Variants in NLGN1 observed in about 807,000 individuals in gnomAD.
NLGN1 encodes neuroligin-1.
NLGN1 carries 12 observed loss-of-function variants against 65.5 expected under a neutral mutation model. The ratio of observed to expected loss-of-function variants is 0.18; its 90% CI spans 0.12 to 0.30. The LOEUF is 0.30. Among genes scored for constraint, NLGN1 ranks in the 10% least tolerant of loss-of-function variants. The probability of loss-of-function intolerance (pLI) is 1.00; values close to 1 mark genes in which losing one functional copy is unlikely to be tolerated. For missense variants in NLGN1, 750 were observed against 1,007.1 expected (o/e 0.74, Z 3.46); for synonymous variants, 350 against 359.5 (o/e 0.97, Z 0.30).
upstream of NLGN1, chr3:173,396,179 C>G (rs140247375): frequency 6.5e-6 from 1 of 153,894 alleles, no homozygotes; most frequent in South Asian, 1.7e-4. Context: ...CCCGGGAGAT[C>G]TTCTCATCCT....
intron 4 of NLGN1, among the ~76,000 whole-genome samples, chr3:173,986,396 G>T (rs1452624560): frequency 6.6e-6 from 1 of 151,746 alleles, no homozygotes; most frequent in African/African-American, 2.4e-5. Flanking sequence ...TCAAACCCAG[G>T]AGGCAGAGGT....
chr3:173,606,574 A>G (rs1751444095), intron 3 of NLGN1, among the ~76,000 whole-genome samples: 1 of 152,052 alleles, frequency 6.6e-6, no homozygotes, highest in South Asian at 2.1e-4. Context: ...ATTTCATTAT[A>G]GCATCCTTGT....
At chr3:173,862,201 T>C (rs1276076991) in intron 4 of NLGN1, among the ~76,000 whole-genome samples, 2 of 152,002 alleles carry the variant, frequency 1.3e-5, no homozygotes, top group Admixed American at 6.5e-5. Flanking sequence ...CATCTACATG[T>C]GCTGATATGG....
chr3:173,948,153 A>G (rs1348763083), intron 4 of NLGN1, among the ~76,000 whole-genome samples: 2 of 152,212 alleles, frequency 1.3e-5, no homozygotes, highest in African/African-American at 2.4e-5. Context: ...TCTTCAAACC[A>G]CAGGTTTCCT....
chr3:173,686,310 C>T (rs1248072088), intron 3 of NLGN1, among the ~76,000 whole-genome samples: 1 of 151,534 alleles, frequency 6.6e-6, no homozygotes, highest in East Asian at 1.9e-4. Flanking sequence ...AATAAAATTA[C>T]CCCAACTGTT....
chr3:174,088,336 C>T (rs1743812402), intron 4 of NLGN1, among the ~76,000 whole-genome samples: 1 of 152,178 alleles, frequency 6.6e-6, no homozygotes, highest in Non-Finnish European at 1.5e-5. Flanking sequence ...CTTTGGAGAA[C>T]ATTCAAATGA....
At chr3:174,111,252 G>GA (rs1715162467) in intron 4 of NLGN1, among the ~76,000 whole-genome samples, 1 of 151,932 alleles carries the variant, frequency 6.6e-6, no homozygotes, top group Non-Finnish European at 1.5e-5. Flanking sequence ...TGGGACTGTA[G>GA]AAACTGGTGT....
chr3:173,616,746 AATAGCCT>A (rs1380027631), intron 3 of NLGN1, among the ~76,000 whole-genome samples: 2 of 152,112 alleles, frequency 1.3e-5, no homozygotes, highest in African/African-American at 4.8e-5. Context: ...CAACCACTGT[AATAGCCT>A]CTTAACAGTT....
chr3:174,042,991 G>A (rs571838677), intron 4 of NLGN1, among the ~76,000 whole-genome samples: 99 of 152,154 alleles, frequency 6.5e-4, no homozygotes, highest in Non-Finnish European at 3.1e-4. Flanking sequence ...GAGGCCTCAG[G>A]AAACTTACAA....
chr3:173,551,861 G>C (rs1740925342), intron 2 of NLGN1, among the ~76,000 whole-genome samples: 1 of 152,080 alleles, frequency 6.6e-6, no homozygotes, highest in Non-Finnish European at 1.5e-5. Flanking sequence ...TGTAAGCCTG[G>C]CTGACACCAA....
intron 2 of NLGN1, among the ~76,000 whole-genome samples, chr3:173,483,116 A>G (rs926956387): frequency 2.6e-5 from 4 of 152,050 alleles, no homozygotes; most frequent in Admixed American, 2.6e-4. Context: ...CCTATTACAC[A>G]GATATTCTTG....
rs536530962 is a variant in NLGN1, at chr3:173,629,205, T to G, written c.493+24114T>G. Among the ~76,000 whole-genome samples the G allele has an allele frequency of 2.6e-5, 4 of 152,204 alleles. No homozygotes were observed. The East Asian group carries it at 5.8e-4, about 22-fold the overall frequency. On this transcript the variant is annotated intron_variant, in intron 3 of 6. Coordinates refer to ENST00000457714, the Ensembl canonical transcript of NLGN1. ...AGTCTTCTAGACAGGAGGATCCAAT[T>G]ATTTCTTTGTGCATAGATCATATTC...
At chr3:173,819,367 C>T (rs543480740) in intron 4 of NLGN1, among the ~76,000 whole-genome samples, 3 of 152,162 alleles carry the variant, frequency 2.0e-5, no homozygotes, top group Non-Finnish European at 4.4e-5. Flanking sequence ...CTCCACATCT[C>T]TAAACGGTTC....
At chr3:173,489,312 A>G (rs1383171886) in intron 2 of NLGN1, among the ~76,000 whole-genome samples, 1 of 151,416 alleles carries the variant, frequency 6.6e-6, no homozygotes, top group East Asian at 1.9e-4. Flanking sequence ...TCAATTCCCA[A>G]CTATGAGTGA....
chr3:173,410,640 G>A (rs1470792948), intron 1 of NLGN1, among the ~76,000 whole-genome samples: 1 of 152,206 alleles, frequency 6.6e-6, no homozygotes, highest in Non-Finnish European at 1.5e-5. Flanking sequence ...GAAAACATTT[G>A]AGTCATAGGC....
chr3:173,807,498 C>G (rs530654042), intron 3 of NLGN1, among the ~76,000 whole-genome samples, 182 bp from the exon 4 acceptor site: 1 of 152,154 alleles, frequency 6.6e-6, no homozygotes, highest in South Asian at 2.1e-4. Flanking sequence ...ACAATGGATG[C>G]CTATTGCTAT....
At chr3:173,530,911 A>G (rs1264246878) in intron 2 of NLGN1, among the ~76,000 whole-genome samples, 1 of 152,068 alleles carries the variant, frequency 6.6e-6, no homozygotes, top group Non-Finnish European at 1.5e-5. Flanking sequence ...ATGAGTTTTT[A>G]AAAGTATTTT....
intron 2 of NLGN1, among the ~76,000 whole-genome samples, chr3:173,582,032 A>G (rs1407737248): frequency 1.3e-5 from 2 of 152,004 alleles, no homozygotes; most frequent in East Asian, 3.8e-4. Flanking sequence ...TTTGCTGTAT[A>G]TAGGTATGTG....
intron 4 of NLGN1, among the ~76,000 whole-genome samples, chr3:173,856,092 T>G (rs964827501): frequency 6.6e-6 from 1 of 152,102 alleles, no homozygotes; most frequent in East Asian, 1.9e-4. Context: ...CAGCTGTGTA[T>G]CAGGATCTTG....
Sources: gnomAD v4.1 joint callset for allele counts (sites outside exome capture counted in the v4.1 genomes callset) on GRCh38, gnomAD v4.1.1 for gene constraint, MANE v1.5 for transcripts, NCBI Gene and HGNC (gene_info 2026-07-23, HGNC 2026-07-21) for gene names.